Variants in SLU7 observed in about 807,000 individuals in gnomAD.
SLU7 encodes spliceosome associated SLU7.
Under a neutral mutation model 87.0 loss-of-function variants are expected in SLU7, and 60 were observed. That is an observed-to-expected ratio of 0.69 (90% CI 0.56 to 0.86). The LOEUF (loss-of-function observed/expected upper bound fraction) is 0.86, where lower values mean the gene tolerates loss of function less well. SLU7 is among the 40% of genes least tolerant of loss of function. The pLI, the probability that SLU7 is intolerant of heterozygous loss-of-function variation, is 0.00. For synonymous variants in SLU7, 197 were observed against 222.0 expected (o/e 0.89, Z 1.00); for missense variants, 507 against 686.6 (o/e 0.74, Z 2.92).
In SLU7 at chr5:160,401,831, T is replaced by TATG. The variant is rs1425285209; in HGVS notation, c.*1451_*1453dup. 1 of 152,226 alleles carries TATG rather than the reference T, an allele frequency of 6.6e-6. No homozygotes were observed. The highest frequency in any genetic ancestry group is 1.5e-5 in the Non-Finnish European group (1 of 68,032). The allele number at this position is 152,226 out of a possible 1,614,324, so 9.4% of individuals were successfully genotyped here. A position where few individuals can be genotyped will look rare whatever the true frequency, so the allele number is the denominator to read the frequency against. Reference sequence around the variant, plus strand: ...TTCATACCAATCTAAAGCTCGACACTATGTATATCCAAAGTACTTGACAAT... The same window carrying TATG: ...TTCATACCAATCTAAAGCTCGACACTATGATGTATATCCAAAGTACTTGACAAT... On this transcript the variant is annotated 3_prime_UTR_variant, in exon 16 of 16. Coordinates refer to ENST00000297151, the MANE Select transcript of SLU7 (RefSeq NM_006425.5).
chr5:160,408,150 GATCA>G, intron 8 of SLU7, 82 bp from the exon 9 acceptor site: 7 of 1,174,922 alleles, frequency 6.0e-6, no homozygotes, highest in East Asian at 2.3e-5. Flanking sequence ...AGTTGAACAT[GATCA>G]ATTAAATAAA....
At position 160,410,098 on chromosome 5, in the gene SLU7, A is replaced by G. The variant is rs545296420; in HGVS notation, c.640-1401T>C. On this transcript the variant is annotated intron_variant, in intron 6 of 15. Transcript: ENST00000297151. ...GTTAAATTAAAAAAGAAGGTAATAA[A>G]TGAATATATAAAGATGGATTCATGT... Among the ~76,000 whole-genome samples, 29 of 152,316 alleles carry G rather than the reference A, an allele frequency of 1.9e-4. No homozygotes were observed. In the East Asian group the frequency reaches 5.2e-3, roughly 27 times the overall value.
chr5:160,403,350 T>C lies in SLU7; in HGVS notation c.1696A>G (p.Met566Val), dbSNP rs769203354. Residue 566 changes from methionine to valine, a missense_variant, in exon 16 of 16, where the codon ATG (methionine) becomes GTG (valine). Transcript: ENST00000297151. ...TGACGTTTCATTCTATATGCCTCCA[T>C]TTCCTCTTCAGTAGGTTCTCGAGTT... ...YETREPTEEEMEAYRMKRQRP... is the reference protein window; with the variant it reads ...YETREPTEEEVEAYRMKRQRP... The C allele has an allele frequency of 3.6e-5, 58 of 1,613,438 alleles. 1 individual carries two copies. In the South Asian group the frequency reaches 6.1e-4, roughly 17 times the overall value.
chr5:160,406,921 C>T (rs964505514), intron 11 of SLU7, among the ~76,000 whole-genome samples: 2 of 152,302 alleles, frequency 1.3e-5, no homozygotes, highest in East Asian at 1.9e-4. Context: ...CATCAAGAGA[C>T]GAAGTCTTTC....
intron 15 of SLU7, 137 bp from the exon 16 acceptor site, chr5:160,403,601 G>T: frequency 1.7e-6 from 1 of 588,294 alleles, no homozygotes; most frequent in Non-Finnish European, 2.8e-6. Flanking sequence ...GAGCTTTGGA[G>T]TCAGCCCTTC....
Position 160,401,822 on chromosome 5 carries a change from G to A in SLU7, c.*1463C>T, listed in dbSNP as rs1298413497. 3 of 152,164 alleles carry A rather than the reference G, an allele frequency of 2.0e-5. No individual in the cohort carries two copies. Among genetic ancestry groups the A allele is most frequent in the Non-Finnish European group, 2.9e-5 (2 of 68,036 alleles). The allele number at this position is 152,164 out of a possible 1,614,324, so 9.4% of individuals were successfully genotyped here. A position where few individuals can be genotyped will look rare whatever the true frequency, so the allele number is the denominator to read the frequency against. ...CTGTTTAATTTCATACCAATCTAAAGCTCGACACTATGTATATCCAAAGTA... is the reference window on the plus strand; with the variant it reads ...CTGTTTAATTTCATACCAATCTAAAACTCGACACTATGTATATCCAAAGTA... On this transcript the variant is annotated 3_prime_UTR_variant, in exon 16 of 16. Coordinates refer to ENST00000297151, the MANE Select transcript of SLU7 (RefSeq NM_006425.5).
At chr5:160,416,405 G>T (rs573999043) in intron 1 of SLU7, among the ~76,000 whole-genome samples, 3 of 152,242 alleles carry the variant, frequency 2.0e-5, no homozygotes, top group Admixed American at 1.3e-4. Flanking sequence ...AAGGAACAAC[G>T]TATTTTTCTA....
Position 160,403,089 on chromosome 5 carries a change from A to C in SLU7, c.*196T>G. 2.5e-6 allele frequency: 1 copy of C among 392,966 alleles called. No homozygotes were observed. Among genetic ancestry groups the C allele is most frequent in the African/African-American group, 2.1e-5 (1 of 48,568 alleles). The allele number at this position is 392,966 out of a possible 1,614,324, so 24.3% of individuals were successfully genotyped here. Reference sequence around the variant, plus strand: ...AATTTTAAATTCTATTCCCAAAAGCACACTTCATGTGCCTCTTCTTCTTTT... The same window carrying C: ...AATTTTAAATTCTATTCCCAAAAGCCCACTTCATGTGCCTCTTCTTCTTTT... On this transcript the variant is annotated 3_prime_UTR_variant, in exon 16 of 16. Coordinates refer to ENST00000297151, the MANE Select transcript of SLU7 (RefSeq NM_006425.5).
At position 160,415,241 on chromosome 5, in the gene SLU7, T is replaced by G. The variant is rs138751839; in HGVS notation, c.54A>C (p.Lys18Asn). 1 of 1,610,838 alleles carries G rather than the reference T, an allele frequency of 6.2e-7. No homozygotes were observed. Among genetic ancestry groups the G allele is most frequent in the African/African-American group, 1.3e-5 (1 of 74,826 alleles). Residue 18 changes from lysine to asparagine, a missense_variant, in exon 2 of 16, where the codon AAA (lysine) becomes AAC (asparagine). By Grantham distance (94) the Lys-to-Asn change is moderately conservative (BLOSUM62 0). Coordinates refer to ENST00000297151, the MANE Select transcript of SLU7 (RefSeq NM_006425.5). ...AVNAAPLSGS[K>N]EMSLEEPKKM... Reference sequence around the variant, plus strand: ...TCTTTGGTTCTTCCAAACTCATTTCTTTGGACCCCGATAGGGGTGCAGCAT... The same window carrying G: ...TCTTTGGTTCTTCCAAACTCATTTCGTTGGACCCCGATAGGGGTGCAGCAT...
chr5:160,412,521 T>C lies in SLU7; in HGVS notation c.571-2A>G, dbSNP rs748738141. 5.3e-6 allele frequency: 3 copies of C among 567,608 alleles called. No individual in the cohort carries two copies. The highest frequency in any genetic ancestry group is 7.2e-6 in the Non-Finnish European group (3 of 415,150). 35.2% of individuals were successfully genotyped at this position (567,608 alleles called of 1,614,324 possible). A position where few individuals can be genotyped will look rare whatever the true frequency, so the allele number is the denominator to read the frequency against. ...CTGGGCTTTCAATGTTCGTTTTGCC[T>C]TTAAAAAAAAAAAAAAGAAAGAAAG... On this transcript the variant is annotated splice_acceptor_variant, in intron 5 of 15. Coordinates refer to ENST00000297151, the MANE Select transcript of SLU7 (RefSeq NM_006425.5). LOFTEE classifies it high-confidence loss of function.
At chr5:160,411,875 G>A (rs1276121482) in intron 6 of SLU7, among the ~76,000 whole-genome samples, 5 of 152,068 alleles carry the variant, frequency 3.3e-5, no homozygotes, top group Admixed American at 3.3e-4. Flanking sequence ...TGTGGGAAAT[G>A]CAGAAAATAC....
chr5:160,408,580 TGTTATTTATTATTAGC>T, intron 7 of SLU7, 54 bp downstream of exon 7: 2 of 1,377,310 alleles, frequency 1.5e-6, no homozygotes, highest in Admixed American at 3.8e-5. Context: ...CTATTATTAG[TGTTATTTATTATTAGC>T]CATCAGAAAT....
intron 8 of SLU7, 89 bp downstream of exon 8, chr5:160,408,240 T>C (rs1435448085): frequency 1.5e-6 from 2 of 1,372,818 alleles, no homozygotes; most frequent in Non-Finnish European, 2.0e-6. Context: ...ACTCTGACTA[T>C]ATTATCCATA....
intron 13 of SLU7, 27 bp from the exon 14 acceptor site, chr5:160,404,907 T>C: frequency 1.3e-6 from 2 of 1,548,954 alleles, no homozygotes; most frequent in East Asian, 4.5e-5. Flanking sequence ...TAATTTGAGT[T>C]GAGTGTCATA....
Position 160,410,720 on chromosome 5 carries a change from C to A in SLU7, c.639+1731G>T, listed in dbSNP as rs1017302500. ...AAGAAACAGGCCCTTTTTCTTTTCC[C>A]AAAGTTAGTAATAAATAAAAATAAT... is the stretch of plus-strand genomic sequence containing the variant. On this transcript the variant is annotated intron_variant, in intron 6 of 15. Coordinates refer to ENST00000297151, the MANE Select transcript of SLU7 (RefSeq NM_006425.5). 3.9e-5 allele frequency among the ~76,000 whole-genome samples: 6 copies of A among 152,218 alleles called. No individual in the cohort carries two copies. In the East Asian group the frequency reaches 9.6e-4, roughly 24 times the overall value.
At chr5:160,418,624 T>A (rs1765553996) in intron 1 of SLU7, 1 of 152,226 alleles carries the variant, frequency 6.6e-6, no homozygotes, top group African/African-American at 2.4e-5. Flanking sequence ...ACCCGCATGA[T>A]ACCCCACTGA....
intron 1 of SLU7, among the ~76,000 whole-genome samples, chr5:160,416,215 CTCTTG>C (rs1765449359): frequency 6.6e-6 from 1 of 151,984 alleles, no homozygotes; most frequent in Non-Finnish European, 1.5e-5. Flanking sequence ...TCTTGTACCT[CTCTTG>C]TCATCAAATT....
Position 160,408,663 on chromosome 5 carries a change from G to A in SLU7, c.674C>T (p.Pro225Leu), listed in dbSNP as rs766246619. The A allele has an allele frequency of 3.8e-6, 6 of 1,571,320 alleles. 1 individual carries two copies. The Admixed American group carries it at 5.2e-5, about 14-fold the overall frequency. ...SPKHQWGEEE[P>L]NSQMEKDHNS... ...AATATGTATTACCATCTGAGAATTTGGTTCCTCTTCTCCCCACTGGTGTTT... is the reference window on the plus strand; with the variant it reads ...AATATGTATTACCATCTGAGAATTTAGTTCCTCTTCTCCCCACTGGTGTTT... Residue 225 changes from proline (P) to leucine (L), a missense_variant, in exon 7 of 16, where the codon CCA becomes CTA. By Grantham distance (98) the Pro-to-Leu change is moderately conservative. This residue lies in a region of SLU7 where 155 missense variants were observed against 154.4 expected (regional missense o/e 1.00). Coordinates refer to ENST00000297151, the MANE Select transcript of SLU7 (RefSeq NM_006425.5).
In SLU7 at chr5:160,402,433, G is replaced by C. The variant is rs115427664; in HGVS notation, c.*852C>G. 6.6e-6 allele frequency: 1 copy of C among 152,108 alleles called. No homozygotes were observed. The highest frequency in any genetic ancestry group is 1.5e-5 in the Non-Finnish European group (1 of 68,038). The allele number at this position is 152,108 out of a possible 1,614,324, so 9.4% of individuals were successfully genotyped here. On this transcript the variant is annotated 3_prime_UTR_variant, in exon 16 of 16. Transcript: ENST00000297151. ...GAGGCCAAGGAAGAGAGAATCGCTT[G>C]AGCCCAAGACTGCAGGGCATTATGA...
Sources: allele counts gnomAD v4.1 joint callset (sites outside exome capture counted in the v4.1 genomes callset), GRCh38; gene constraint gnomAD v4.1.1; regional missense constraint gnomAD v4.1.1; transcripts MANE v1.5; gene names NCBI Gene and HGNC (gene_info 2026-07-23, HGNC 2026-07-21).